Variants in DIS3L2 observed in about 807,000 individuals in gnomAD.
The protein encoded by DIS3L2 is DIS3 like 3'-5' exoribonuclease 2.
DIS3L2 carries 34 observed loss-of-function variants against 97.5 expected under a neutral mutation model. The ratio of observed to expected loss-of-function variants is 0.35; its 90% CI spans 0.27 to 0.46. The LOEUF is 0.46. DIS3L2 is among the 20% of genes least tolerant of loss of function. The probability of loss-of-function intolerance (pLI) is 1.00; values close to 1 mark genes in which losing one functional copy is unlikely to be tolerated. For missense variants in DIS3L2, 1,038 were observed against 1,146.0 expected, an observed-to-expected ratio of 0.91 and a Z score of 1.36; for synonymous variants, 435 against 445.2, an observed-to-expected ratio of 0.98 and a Z score of 0.29.
intron 8 of DIS3L2, among the ~76,000 whole-genome samples, chr2:232,142,995 C>G (rs1013931846): frequency 5.3e-5 from 8 of 152,166 alleles, no homozygotes; most frequent in African/African-American, 1.9e-4. Flanking sequence ...GTGGTAATCA[C>G]TGCAAGAGTG....
chr2:232,242,467 C>T (rs892347132), intron 11 of DIS3L2, among the ~76,000 whole-genome samples: 30 of 152,160 alleles, frequency 2.0e-4, no homozygotes, highest in African/African-American at 6.8e-4. Flanking sequence ...GGGCATCTGG[C>T]TCCCACATCA....
chr2:232,172,605 G>T lies in DIS3L2; in HGVS notation c.1124+8973G>T, dbSNP rs553810385. On this transcript the variant is annotated intron_variant, in intron 9 of 20. Transcript: ENST00000325385. ...GAATAATGCTGCTATGAATATTTGT[G>T]TACAGGTTTTGGTGTGGACATTCAG... is the stretch of plus-strand genomic sequence containing the variant. 26 of 474,652 alleles carry T rather than the reference G, an allele frequency of 5.5e-5. 1 individual carries two copies. The highest frequency in any genetic ancestry group is 2.2e-4 in the African/African-American group (11 of 50,696). The allele number at this position is 474,652 out of a possible 1,614,324, so 29.4% of individuals were successfully genotyped here. A position where few individuals can be genotyped will look rare whatever the true frequency, so the allele number is the denominator to read the frequency against.
At chr2:232,316,970 G>A (rs1045744450) in intron 14 of DIS3L2, among the ~76,000 whole-genome samples, 4 of 152,076 alleles carry the variant, frequency 2.6e-5, no homozygotes, top group Admixed American at 2.0e-4. Flanking sequence ...CTTTTTTCCT[G>A]GTGAATTTCC....
intron 1 of DIS3L2, among the ~76,000 whole-genome samples, chr2:231,970,536 A>G (rs1260686778): frequency 1.3e-5 from 2 of 152,208 alleles, no homozygotes; most frequent in Non-Finnish European, 2.9e-5. Context: ...ATGTATCTAT[A>G]CATAGAAAAG....
intron 1 of DIS3L2, among the ~76,000 whole-genome samples, chr2:231,993,475 A>G (rs549110770): frequency 6.6e-6 from 1 of 152,052 alleles, no homozygotes; most frequent in Non-Finnish European, 1.5e-5. Context: ...CGGCCTCCCA[A>G]AGTGCTGGGA....
rs527571009 is a variant in DIS3L2 at position 232,252,938 on chromosome 2, G to GA, written c.1425+3600dup. On this transcript the variant is annotated intron_variant, in intron 12 of 20. Transcript: ENST00000325385. ...CAACATAATGAGACCTTGTGTGGATGAAAAAAAATAAAAAACAGACACCAG... is the reference window on the plus strand; with the variant it reads ...CAACATAATGAGACCTTGTGTGGATGAAAAAAAAATAAAAAACAGACACCAG... Among the ~76,000 whole-genome samples the GA allele has an allele frequency of 2.1e-3, 319 of 151,862 alleles. 2 individuals are homozygous for GA. The highest frequency in any genetic ancestry group is 7.5e-3 in the African/African-American group (310 of 41,410).
At chr2:232,001,473 A>C (rs72985693) in intron 1 of DIS3L2, among the ~76,000 whole-genome samples, 10 of 151,074 alleles carry the variant, frequency 6.6e-5, no homozygotes, top group Non-Finnish European at 1.5e-4. Flanking sequence ...ATGGTTTGCA[A>C]ATATATTCTC....
At chr2:232,056,692 G>A (rs1010065695) in intron 5 of DIS3L2, among the ~76,000 whole-genome samples, 1 of 152,192 alleles carries the variant, frequency 6.6e-6, no homozygotes, top group African/African-American at 2.4e-5. Context: ...AGCTTTATCA[G>A]TTATCAGGGA....
chr2:232,297,826 C>T (rs1173659270), intron 13 of DIS3L2, among the ~76,000 whole-genome samples: 1 of 151,866 alleles, frequency 6.6e-6, no homozygotes, highest in Admixed American at 6.6e-5. Flanking sequence ...TCTCAGCCTC[C>T]TGAGTAGCTG....
In DIS3L2 at chr2:232,021,132, C is replaced by G. The variant is rs549163330; in HGVS notation, c.211-3145C>G. Among the ~76,000 whole-genome samples the G allele has an allele frequency of 3.3e-5, 5 of 152,204 alleles. No individual in the cohort carries two copies. The East Asian group carries it at 9.6e-4, about 29-fold the overall frequency. ...TGTTTTTCTATGGTACTGTTTAGCTCCTGGGGTATAGGAAGGGAGAAAGCA... is the reference window on the plus strand; with the variant it reads ...TGTTTTTCTATGGTACTGTTTAGCTGCTGGGGTATAGGAAGGGAGAAAGCA... On this transcript the variant is annotated intron_variant, in intron 3 of 20. Coordinates refer to ENST00000325385, the MANE Select transcript of DIS3L2 (RefSeq NM_152383.5).
chr2:232,073,730 G>A (rs1050774947), intron 5 of DIS3L2, among the ~76,000 whole-genome samples: 1 of 152,128 alleles, frequency 6.6e-6, no homozygotes, highest in African/African-American at 2.4e-5. Flanking sequence ...TGGTTACAGG[G>A]ACTTTTTCTG....
intron 6 of DIS3L2, among the ~76,000 whole-genome samples, chr2:232,114,256 C>G (rs1380670132): frequency 1.4e-5 from 2 of 146,582 alleles, no homozygotes; most frequent in East Asian, 4.0e-4. Flanking sequence ...GAAGACCTGA[C>G]TAAGAGCAAC....
intron 8 of DIS3L2, among the ~76,000 whole-genome samples, chr2:232,161,106 C>T (rs776516041): frequency 6.6e-6 from 1 of 152,048 alleles, no homozygotes; most frequent in South Asian, 2.1e-4. Flanking sequence ...TTAGTGGAGA[C>T]GGGGTTTCAC....
At chr2:232,191,430 CA>C (rs1559719917) in intron 9 of DIS3L2, among the ~76,000 whole-genome samples, 1 of 151,808 alleles carries the variant, frequency 6.6e-6, no homozygotes, top group East Asian at 1.9e-4. Flanking sequence ...AACACAACTT[CA>C]AAAAAAATTA....
chr2:232,156,376 A>G (rs1690494433), intron 8 of DIS3L2, among the ~76,000 whole-genome samples: 1 of 152,022 alleles, frequency 6.6e-6, no homozygotes, highest in East Asian at 1.9e-4. Flanking sequence ...TATAAAGCTT[A>G]TATTTTTGGG....
intron 1 of DIS3L2, among the ~76,000 whole-genome samples, chr2:232,001,734 T>A (rs899846627): frequency 1.4e-5 from 2 of 147,140 alleles, no homozygotes; most frequent in African/African-American, 2.5e-5. Flanking sequence ...TTTTTTTTTT[T>A]TTTGAGATGG....
intron 9 of DIS3L2, among the ~76,000 whole-genome samples, chr2:232,170,064 C>T (rs997209741): frequency 1.4e-4 from 22 of 152,050 alleles, no homozygotes; most frequent in Non-Finnish European, 2.8e-4. Context: ...ATGGCCTAGA[C>T]CTGTAGCTGT....
Position 232,336,776 on chromosome 2 carries a change from A to ACTT in DIS3L2, c.*147_*149dup, listed in dbSNP as rs1157172530. On this transcript the variant is annotated 3_prime_UTR_variant, in exon 21 of 21. Transcript: ENST00000325385. ...ATTTTTATTTAATTTTTGCAGCTCAACTTTTAAACAAACTGCAGGGGAGAG... is the reference window on the plus strand; with the variant it reads ...ATTTTTATTTAATTTTTGCAGCTCAACTTCTTTTAAACAAACTGCAGGGGAGAG... 103 of 1,470,420 alleles carry ACTT rather than the reference A, an allele frequency of 7.0e-5. No individual in the cohort carries two copies. The highest frequency in any genetic ancestry group is 5.8e-4 in the East Asian group (23 of 39,962). 91.1% of individuals were successfully genotyped at this position (1,470,420 alleles called of 1,614,324 possible).
intron 8 of DIS3L2, among the ~76,000 whole-genome samples, chr2:232,156,577 T>C (rs1690501310): frequency 6.6e-6 from 1 of 152,146 alleles, no homozygotes; most frequent in East Asian, 1.9e-4. Context: ...TCCTGGACTT[T>C]AGTATTATAT....
Sources: gnomAD v4.1 joint callset for allele counts (sites outside exome capture counted in the v4.1 genomes callset) on GRCh38, gnomAD v4.1.1 for gene constraint, MANE v1.5 for transcripts, NCBI Gene and HGNC (gene_info 2026-07-23, HGNC 2026-07-21) for gene names.